The following TFDP2 variants were observed in gnomAD, a reference collection of about 807,000 sequenced individuals.
The protein encoded by TFDP2 is transcription factor Dp-2.
Under a neutral mutation model 59.3 loss-of-function variants are expected in TFDP2, and 17 were observed. The observed-to-expected ratio is 0.29, with a 90% confidence interval of 0.20 to 0.43. The LOEUF (loss-of-function observed/expected upper bound fraction) is 0.43, where lower values mean the gene tolerates loss of function less well. Ranked by LOEUF, TFDP2 falls within the 20% of genes least tolerant of loss-of-function variation. The pLI is 1.00. For synonymous variants in TFDP2, 180 were observed against 194.7 expected (o/e 0.92, Z 0.63); for missense variants, 391 against 528.8 (o/e 0.74, Z 2.56).
chr3:141,967,090 T>A (rs990237409), intron 9 of TFDP2, among the ~76,000 whole-genome samples: 1 of 145,838 alleles, frequency 6.9e-6, no homozygotes, highest in African/African-American at 2.5e-5. Context: ...CTAATTTTTT[T>A]ATTTTTAGTA....
chr3:141,954,454 T>C (rs889201790), intron 11 of TFDP2, among the ~76,000 whole-genome samples: 3 of 151,856 alleles, frequency 2.0e-5, no homozygotes, highest in South Asian at 2.1e-4. Context: ...CTGGCAAATA[T>C]AGCAAAGCCC....
chr3:142,037,373 C>G (rs767084118), intron 3 of TFDP2, among the ~76,000 whole-genome samples: 1 of 151,982 alleles, frequency 6.6e-6, no homozygotes, highest in African/African-American at 2.4e-5. Context: ...AACTAGTGGG[C>G]ATTAGAGAGA....
chr3:142,033,510 T>C (rs1490634848), intron 3 of TFDP2, among the ~76,000 whole-genome samples: 1 of 152,004 alleles, frequency 6.6e-6, no homozygotes, highest in Non-Finnish European at 1.5e-5. Flanking sequence ...CAGAATTAAG[T>C]TTAAGGCTTC....
chr3:142,050,779 C>G (rs1166847575), intron 3 of TFDP2, among the ~76,000 whole-genome samples: 2 of 152,006 alleles, frequency 1.3e-5, no homozygotes, highest in African/African-American at 2.4e-5. Context: ...ATCTGAGAGG[C>G]AGAGGTTGCA....
intron 1 of TFDP2, among the ~76,000 whole-genome samples, chr3:142,123,441 T>C (rs2062124957): frequency 6.6e-6 from 1 of 152,136 alleles, no homozygotes; most frequent in Non-Finnish European, 1.5e-5. Flanking sequence ...GCAATTTTTG[T>C]ATTTTTATTA....
intron 11 of TFDP2, among the ~76,000 whole-genome samples, chr3:141,956,076 G>A (rs528745056): frequency 7.2e-5 from 11 of 152,248 alleles, no homozygotes; most frequent in South Asian, 4.1e-4. Context: ...CCAAAGTGCT[G>A]GGATCACAGG....
intron 3 of TFDP2, among the ~76,000 whole-genome samples, chr3:142,049,978 G>A (rs1011379623): frequency 2.6e-5 from 4 of 151,986 alleles, no homozygotes; most frequent in Admixed American, 2.6e-4. Context: ...TTATAAATCA[G>A]AAGATTCAGG....
At chr3:142,094,955 CACT>C (rs1295455200) in intron 2 of TFDP2, among the ~76,000 whole-genome samples, 1 of 152,094 alleles carries the variant, frequency 6.6e-6, no homozygotes, top group Non-Finnish European at 1.5e-5. Flanking sequence ...TATAACTATC[CACT>C]TATTGTTCTA....
chr3:142,096,103 C>T (rs2061154529), intron 2 of TFDP2, among the ~76,000 whole-genome samples: 1 of 152,138 alleles, frequency 6.6e-6, no homozygotes, highest in South Asian at 2.1e-4. Context: ...TTTTAAGCAG[C>T]TGTACACCTG....
At chr3:142,003,330 C>T (rs1229147876) in intron 4 of TFDP2, among the ~76,000 whole-genome samples, 5 of 151,910 alleles carry the variant, frequency 3.3e-5, no homozygotes, top group Admixed American at 3.3e-4. Flanking sequence ...ATGGGTTTCA[C>T]CATGTTGACC....
rs796297339 is a variant in TFDP2 at position 142,103,886 on chromosome 3, G to GT, written c.-92-2046dup. Among the ~76,000 whole-genome samples, 340 of 146,852 alleles carry GT rather than the reference G, an allele frequency of 2.3e-3. 1 individual carries two copies. The highest frequency in any genetic ancestry group is 6.9e-3 in the African/African-American group (277 of 40,200). On this transcript the variant is annotated intron_variant, in intron 1 of 12. Coordinates refer to ENST00000489671, the MANE Select transcript of TFDP2 (RefSeq NM_001178139.2). Reference sequence around the variant, plus strand: ...TAAAATTTTGTAGAAGAAAAGCAAGGTTTTTTTTTTCTGTTTTTTTCATGT... The same window carrying GT: ...TAAAATTTTGTAGAAGAAAAGCAAGGTTTTTTTTTTTCTGTTTTTTTCATGT...
At chr3:141,985,574 T>C (rs1310332116) in intron 6 of TFDP2, among the ~76,000 whole-genome samples, 1 of 150,314 alleles carries the variant, frequency 6.7e-6, no homozygotes, top group African/African-American at 2.5e-5. Flanking sequence ...ATTTTCTATA[T>C]GCTTCTGGGT....
chr3:142,134,255 A>G (rs1327093090), intron 1 of TFDP2, among the ~76,000 whole-genome samples: 1 of 151,696 alleles, frequency 6.6e-6, no homozygotes, highest in Non-Finnish European at 1.5e-5. Context: ...AGCCTGAGGC[A>G]GGAGAATCGC....
rs1382811815 is a variant in TFDP2, at chr3:141,949,936, T to C, written c.*2577A>G. 3 of 151,118 alleles carry C rather than the reference T, an allele frequency of 2.0e-5. No homozygotes were observed. The highest frequency in any genetic ancestry group is 7.3e-5 in the African/African-American group (3 of 40,956). 9.4% of individuals were successfully genotyped at this position (151,118 alleles called of 1,614,324 possible). A position where few individuals can be genotyped will look rare whatever the true frequency, so the allele number is the denominator to read the frequency against. On this transcript the variant is annotated 3_prime_UTR_variant, in exon 13 of 13. Coordinates refer to ENST00000489671, the MANE Select transcript of TFDP2 (RefSeq NM_001178139.2). ...AATCCTCCCACCTCAGCCTCTTGAGTAGCCAGGACTACAGGCATGCCCCAC... is the reference window on the plus strand; with the variant it reads ...AATCCTCCCACCTCAGCCTCTTGAGCAGCCAGGACTACAGGCATGCCCCAC...
chr3:142,120,482 A>T (rs73236005), intron 1 of TFDP2, among the ~76,000 whole-genome samples: 12,665 of 152,312 alleles, frequency 0.083, 656 homozygotes, highest in Middle Eastern at 0.14. Flanking sequence ...AAGGGATGCA[A>T]TCATTAGTAA....
chr3:142,106,756 C>T (rs6773343), intron 1 of TFDP2, among the ~76,000 whole-genome samples: 112,604 of 152,110 alleles, frequency 0.74, 41,692 homozygotes, highest in South Asian at 0.81. Context: ...CTTTTGACCT[C>T]GCCATCTGCC....
chr3:141,978,928 G>A (rs914131611), intron 6 of TFDP2, among the ~76,000 whole-genome samples: 4 of 152,148 alleles, frequency 2.6e-5, no homozygotes, highest in Admixed American at 6.5e-5. Flanking sequence ...TTATTGACCA[G>A]TTACTATTCT....
At chr3:142,074,968 A>G (rs1282018358) in intron 3 of TFDP2, among the ~76,000 whole-genome samples, 1 of 152,234 alleles carries the variant, frequency 6.6e-6, no homozygotes, top group East Asian at 1.9e-4. Context: ...TTTAATGAGG[A>G]AAGGACAGTC....
intron 3 of TFDP2, among the ~76,000 whole-genome samples, chr3:142,019,215 T>C (rs1469884207): frequency 2.0e-5 from 3 of 152,026 alleles, no homozygotes; most frequent in East Asian, 3.9e-4. Flanking sequence ...CAGGCATGTG[T>C]CACCATGCCC....
Sources: allele counts gnomAD v4.1 joint callset (sites outside exome capture counted in the v4.1 genomes callset), GRCh38; gene constraint gnomAD v4.1.1; transcripts MANE v1.5; gene names NCBI Gene and HGNC (gene_info 2026-07-23, HGNC 2026-07-21).